The following TFEC variants were observed in gnomAD, a reference collection of about 807,000 sequenced individuals.
TFEC encodes the protein transcription factor EC.
TFEC carries 31 observed loss-of-function variants against 41.6 expected under a neutral mutation model. The ratio of observed to expected loss-of-function variants is 0.74; its 90% CI spans 0.56 to 1.01. The LOEUF is 1.01. TFEC is among the 50% of genes least tolerant of loss of function. The pLI is 0.00. For synonymous variants in TFEC, 143 were observed against 140.6 expected, an observed-to-expected ratio of 1.02 and a Z score of -0.12; for missense variants, 402 against 404.1, an observed-to-expected ratio of 0.99 and a Z score of 0.04.
At position 115,936,064 on chromosome 7, in the gene TFEC, C is replaced by T. The variant is rs1793214829; in HGVS notation, c.*4487G>A. On this transcript the variant is annotated 3_prime_UTR_variant, in exon 8 of 8. Transcript: ENST00000265440. Reference sequence around the variant, plus strand: ...TGGACCTCAGAGGGAAAATGTAGCACTGAAAATTTTAAGAAAAGCTATTTT... The same window carrying T: ...TGGACCTCAGAGGGAAAATGTAGCATTGAAAATTTTAAGAAAAGCTATTTT... 6.6e-6 allele frequency: 1 copy of T among 151,522 alleles called. No homozygotes were observed. Among genetic ancestry groups the T allele is most frequent in the Admixed American group, 6.6e-5 (1 of 15,190 alleles). The allele number at this position is 151,522 out of a possible 1,614,324, so 9.4% of individuals were successfully genotyped here.
intron 1 of TFEC, among the ~76,000 whole-genome samples, chr7:115,994,256 G>A (rs1794257508): frequency 6.6e-6 from 1 of 152,090 alleles, no homozygotes. Flanking sequence ...AAAAACCCTA[G>A]AAGAAAACCT....
chr7:116,051,319 T>C (rs1007077318), intron 3 of TFEC, among the ~76,000 whole-genome samples: 6 of 152,010 alleles, frequency 3.9e-5, no homozygotes, highest in African/African-American at 1.4e-4. Context: ...AATGAATGAA[T>C]AACCTTTTGA....
chr7:115,949,638 GC>G (rs1562882399), intron 6 of TFEC, among the ~76,000 whole-genome samples: 1 of 151,920 alleles, frequency 6.6e-6, no homozygotes, highest in Non-Finnish European at 1.5e-5. Flanking sequence ...GGGAAAACTG[GC>G]TAGCCATATG....
intron 1 of TFEC, among the ~76,000 whole-genome samples, chr7:115,996,684 G>A (rs1411388348): frequency 6.6e-6 from 1 of 151,964 alleles, no homozygotes; most frequent in Non-Finnish European, 1.5e-5. Context: ...ACATTCTCTT[G>A]GCCAGAGGGA....
chr7:115,938,528 C>A lies in TFEC; in HGVS notation c.*2023G>T, dbSNP rs1040067230. The A allele has an allele frequency of 1.3e-5, 2 of 151,736 alleles. No individual in the cohort carries two copies. Among genetic ancestry groups the A allele is most frequent in the Non-Finnish European group, 2.9e-5 (2 of 67,862 alleles). 9.4% of individuals were successfully genotyped at this position (151,736 alleles called of 1,614,324 possible). A position where few individuals can be genotyped will look rare whatever the true frequency, so the allele number is the denominator to read the frequency against. ...TACCCAGAAGTTAGTAATTATTTTT[C>A]CATGTCAAACAATAAAATTATTTTA... is the stretch of plus-strand genomic sequence containing the variant. On this transcript the variant is annotated 3_prime_UTR_variant, in exon 8 of 8. Coordinates refer to ENST00000265440, the MANE Select transcript of TFEC (RefSeq NM_012252.4).
chr7:116,145,703 TAGGTCC>T (rs1367109759), intron 1 of TFEC, among the ~76,000 whole-genome samples: 1 of 152,196 alleles, frequency 6.6e-6, no homozygotes, highest in Non-Finnish European at 1.5e-5. Context: ...TGGATTAACT[TAGGTCC>T]AGGTGCCAGA....
intron 1 of TFEC, among the ~76,000 whole-genome samples, chr7:116,008,374 C>T (rs1448899700): frequency 6.6e-6 from 1 of 152,128 alleles, no homozygotes; most frequent in Non-Finnish European, 1.5e-5. Flanking sequence ...TACACACATG[C>T]ATGCACATAG....
chr7:116,124,119 G>T (rs1416137660), intron 1 of TFEC, among the ~76,000 whole-genome samples: 2 of 152,064 alleles, frequency 1.3e-5, no homozygotes, highest in East Asian at 3.9e-4. Flanking sequence ...TATGTAAAAT[G>T]CCAGTGACAA....
chr7:115,954,573 AATAT>A lies in TFEC; in HGVS notation c.439+9_439+12del. The A allele has an allele frequency of 6.2e-7, 1 of 1,606,962 alleles. No individual in the cohort carries two copies. The highest frequency in any genetic ancestry group is 8.5e-7 in the Non-Finnish European group (1 of 1,175,620). On this transcript the variant is annotated intron_variant, in intron 5 of 7. Transcript: ENST00000265440. Reference sequence around the variant, plus strand: ...CTTTTGCATTAATTTTATATGGAAAAATATATACTCACTGAGGTTGTGGTTGTCC... The same window carrying A: ...CTTTTGCATTAATTTTATATGGAAAAATACTCACTGAGGTTGTGGTTGTCC...
intron 3 of TFEC, among the ~76,000 whole-genome samples, chr7:116,039,290 T>C (rs1250257389): frequency 6.6e-6 from 1 of 152,016 alleles, no homozygotes; most frequent in African/African-American, 2.4e-5. Context: ...CATTTTACTA[T>C]AAGTACAAAT....
At chr7:116,047,658 C>G (rs1257389181) in intron 3 of TFEC, among the ~76,000 whole-genome samples, 1 of 152,202 alleles carries the variant, frequency 6.6e-6, no homozygotes, top group Non-Finnish European at 1.5e-5. Context: ...AGTAGTGGTT[C>G]TCCCAGCACA....
At chr7:115,986,762 G>C (rs932026213) in intron 1 of TFEC, among the ~76,000 whole-genome samples, 2 of 107,858 alleles carry the variant, frequency 1.9e-5, no homozygotes, top group Admixed American at 2.5e-4. Context: ...CCTGTTGTGG[G>C]GTGGGGGGAG....
At chr7:116,103,962 C>A (rs1461300990) in intron 3 of TFEC, among the ~76,000 whole-genome samples, 1 of 152,100 alleles carries the variant, frequency 6.6e-6, no homozygotes, top group Non-Finnish European at 1.5e-5. Context: ...AAATGGACAA[C>A]AGTCTTTACA....
intron 1 of TFEC, among the ~76,000 whole-genome samples, chr7:116,026,337 T>G (rs1055354935): frequency 1.3e-5 from 2 of 152,252 alleles, no homozygotes; most frequent in Non-Finnish European, 2.9e-5. Context: ...ATCTTCTCTT[T>G]GAACCCTTTC....
intron 1 of TFEC, among the ~76,000 whole-genome samples, chr7:116,129,203 G>C (rs1451900315): frequency 6.6e-6 from 1 of 152,032 alleles, no homozygotes. Context: ...CTTTTTTCAG[G>C]AGTCCTTCAT....
At chr7:115,973,005 C>A (rs1261539093) in intron 3 of TFEC, among the ~76,000 whole-genome samples, 6 of 151,696 alleles carry the variant, frequency 4.0e-5, no homozygotes, top group Non-Finnish European at 8.8e-5. Context: ...TCAAATGTAT[C>A]TAGAGAATTA....
chr7:116,145,326 A>G (rs1404550987), intron 1 of TFEC, among the ~76,000 whole-genome samples: 1 of 152,140 alleles, frequency 6.6e-6, no homozygotes, highest in East Asian at 1.9e-4. Flanking sequence ...GAGCTAACTG[A>G]TGATTGTGAC....
At chr7:116,079,783 T>A (rs976742277) in intron 3 of TFEC, among the ~76,000 whole-genome samples, 3 of 151,862 alleles carry the variant, frequency 2.0e-5, no homozygotes, top group African/African-American at 7.2e-5. Flanking sequence ...TCAATGTAAT[T>A]CTCATCAAAA....
chr7:115,960,130 A>G (rs887654959), intron 3 of TFEC, among the ~76,000 whole-genome samples: 1 of 151,570 alleles, frequency 6.6e-6, no homozygotes, highest in African/African-American at 2.4e-5. Context: ...AATAATAAAG[A>G]GAAAAAAATC....
Sources: gnomAD v4.1 joint callset for allele counts (sites outside exome capture counted in the v4.1 genomes callset) on GRCh38, gnomAD v4.1.1 for gene constraint, MANE v1.5 for transcripts, NCBI Gene and HGNC (gene_info 2026-07-23, HGNC 2026-07-21) for gene names.